The following GOLIM4 variants were observed in gnomAD, a reference collection of about 807,000 sequenced individuals.
GOLIM4 encodes the protein 130 kDa golgi-localized phosphoprotein.
Under a neutral mutation model 107.4 loss-of-function variants are expected in GOLIM4, and 71 were observed. That is an observed-to-expected ratio of 0.66 (90% CI 0.55 to 0.81). The LOEUF (loss-of-function observed/expected upper bound fraction) is 0.81. Among genes scored for constraint, GOLIM4 ranks in the 30% least tolerant of loss-of-function variants. GOLIM4 has a pLI of 0.00. For synonymous variants in GOLIM4, 327 were observed against 294.8 expected, an observed-to-expected ratio of 1.11 and a Z score of -1.12; for missense variants, 830 against 826.1, an observed-to-expected ratio of 1.00 and a Z score of -0.06.
intron 9 of GOLIM4, among the ~76,000 whole-genome samples, chr3:168,031,093 G>C (rs1202747811): frequency 6.6e-6 from 1 of 152,108 alleles, no homozygotes; most frequent in Non-Finnish European, 1.5e-5. Flanking sequence ...AAAACTTCAA[G>C]CACAGAAAGA....
At chr3:168,063,058 C>G (rs2108269711) in intron 1 of GOLIM4, among the ~76,000 whole-genome samples, 1 of 152,274 alleles carries the variant, frequency 6.6e-6, no homozygotes, top group Non-Finnish European at 1.5e-5. Flanking sequence ...GCTTCCACCA[C>G]CACCTGCATG....
intron 5 of GOLIM4, 58 bp downstream of exon 5, chr3:168,043,321 G>T: frequency 1.6e-6 from 2 of 1,238,266 alleles, no homozygotes; most frequent in Middle Eastern, 2.0e-4. Context: ...CAGTTGCACT[G>T]AAACATTAAT....
At position 168,032,660 on chromosome 3, in the gene GOLIM4, C is replaced by T; in HGVS notation, c.1036G>A (p.Glu346Lys). The change falls in exon 9 of 16, where the codon GAA (glutamate) becomes AAA (lysine). Residue 346 changes from glutamate (E) to lysine (K), a missense_variant. Transcript: ENST00000470487. ...EEEHRKALEE[E>K]EMEQVGQAEH... ...GCTTGCCCGACCTGCTCCATTTCTT[C>T]CTCCTCCAGGGCCTTTCTGTGCTCC... is the stretch of plus-strand genomic sequence containing the variant. The T allele has an allele frequency of 6.2e-7, 1 of 1,614,038 alleles. No homozygotes were observed.
chr3:168,045,139 G>GATTA (rs1241962253), intron 3 of GOLIM4, among the ~76,000 whole-genome samples: 1 of 152,182 alleles, frequency 6.6e-6, no homozygotes, highest in Non-Finnish European at 1.5e-5. Context: ...AGAGCCCTTA[G>GATTA]AGATGATTTC....
intron 1 of GOLIM4, among the ~76,000 whole-genome samples, chr3:168,062,455 C>T (rs879000111): frequency 1.8e-4 from 27 of 151,002 alleles, no homozygotes; most frequent in Non-Finnish European, 3.2e-4. Context: ...GCATTTACAA[C>T]TGTGAGGACA....
chr3:168,024,957 C>T lies in GOLIM4; in HGVS notation c.1762G>A (p.Glu588Lys). 1 of 1,614,058 alleles carries T rather than the reference C, an allele frequency of 6.2e-7. No individual in the cohort carries two copies. The highest frequency in any genetic ancestry group is 2.2e-5 in the East Asian group (1 of 44,878). ...EEQKQSNQKQ[E>K]NTEVEEHLVM... is the part of the protein sequence containing the mutation. Reference sequence around the variant, plus strand: ...AAATGTTCCTCCACTTCTGTATTCTCTTGCTTTTGATTACTTTGTTTTTGC... The same window carrying T: ...AAATGTTCCTCCACTTCTGTATTCTTTTGCTTTTGATTACTTTGTTTTTGC... The change falls in exon 13 of 16, where the codon GAG (glutamate) becomes AAG (lysine). Residue 588 changes from glutamate to lysine, a missense_variant. By Grantham distance (56) the Glu-to-Lys change is moderately conservative. Coordinates refer to ENST00000470487, the MANE Select transcript of GOLIM4 (RefSeq NM_014498.5).
In GOLIM4 at chr3:168,094,141, G is replaced by A. The variant is rs566176872; in HGVS notation, c.187+958C>T. ...TGCAAAAAAAATATGTATAGGATAC[G>A]TCCTTAACAAGAGGACATGGTGCTG... On this transcript the variant is annotated intron_variant, in intron 1 of 15. Transcript: ENST00000470487. 3.9e-5 allele frequency among the ~76,000 whole-genome samples: 6 copies of A among 152,264 alleles called. No homozygotes were observed. The South Asian group carries it at 1.2e-3, about 32-fold the overall frequency.
At chr3:168,091,391 T>TC (rs956249960) in intron 1 of GOLIM4, among the ~76,000 whole-genome samples, 1 of 152,190 alleles carries the variant, frequency 6.6e-6, no homozygotes, top group Non-Finnish European at 1.5e-5. Flanking sequence ...AGCACATAAT[T>TC]ATTACCTTAG....
Position 168,016,195 on chromosome 3 carries a change from GA to G in GOLIM4, c.1861-5373del, listed in dbSNP as rs1250946359. Among the ~76,000 whole-genome samples the G allele has an allele frequency of 3.2e-5, 4 of 125,326 alleles. No individual in the cohort carries two copies. The East Asian group carries it at 8.4e-4, about 26-fold the overall frequency. The allele number at this position is 125,326 out of a possible 152,430, so 82.2% of individuals were successfully genotyped here. A position where few individuals can be genotyped will look rare whatever the true frequency, so the allele number is the denominator to read the frequency against. On this transcript the variant is annotated intron_variant, in intron 14 of 15. Transcript: ENST00000470487. ...ACAATGAACTCAAACAAATTTACAA[GA>G]AAAAAACAAACAACCCCATCAAAAA...
At chr3:168,041,355 C>T (rs780915167) in intron 6 of GOLIM4, 37 bp downstream of exon 6, 2 of 1,172,176 alleles carry the variant, frequency 1.7e-6, no homozygotes, top group African/African-American at 1.5e-5. Context: ...ATAAAGCAGG[C>T]AAACACTAAA....
At chr3:168,078,352 T>C (rs1338863565) in intron 1 of GOLIM4, among the ~76,000 whole-genome samples, 11 of 152,190 alleles carry the variant, frequency 7.2e-5, no homozygotes, top group African/African-American at 1.4e-4. Flanking sequence ...TACATTTTTA[T>C]ACATCAAAGA....
chr3:168,040,668 T>C (rs1041043272), intron 7 of GOLIM4, 118 bp downstream of exon 7: 7 of 606,998 alleles, frequency 1.2e-5, no homozygotes, highest in Non-Finnish European at 2.1e-5. Context: ...AGGATTAGGA[T>C]AGCTCTGTCC....
rs542564578 is a variant in GOLIM4, at chr3:168,063,559, T to C, written c.188-15194A>G. Among the ~76,000 whole-genome samples the C allele has an allele frequency of 7.9e-5, 12 of 152,194 alleles. No homozygotes were observed. In the East Asian group the frequency reaches 2.1e-3, roughly 27 times the overall value. On this transcript the variant is annotated intron_variant, in intron 1 of 15. Coordinates refer to ENST00000470487, the MANE Select transcript of GOLIM4 (RefSeq NM_014498.5). ...ATAGGGTATCTTCCCCACTGAGATATTGGGCATTGCCTGATTTGGGGGAAG... is the reference window on the plus strand; with the variant it reads ...ATAGGGTATCTTCCCCACTGAGATACTGGGCATTGCCTGATTTGGGGGAAG...
Position 168,029,428 on chromosome 3 carries a change from A to C in GOLIM4, c.1434-126T>G, listed in dbSNP as rs547339207. The C allele has an allele frequency of 4.3e-4, 265 of 611,882 alleles. 1 individual carries two copies. The Middle Eastern group carries it at 9.4e-3, about 22-fold the overall frequency. 37.9% of individuals were successfully genotyped at this position (611,882 alleles called of 1,614,324 possible). A position where few individuals can be genotyped will look rare whatever the true frequency, so the allele number is the denominator to read the frequency against. The stretch of plus-strand genomic sequence containing the variant: ...TCAACATTTTTAAGAAGCCATGAAA[A>C]ATTTTTAAAAACCTCTTATGTATGC... On this transcript the variant is annotated intron_variant, in intron 10 of 15. Transcript: ENST00000470487.
At chr3:168,039,948 T>C (rs1174305623) in intron 7 of GOLIM4, among the ~76,000 whole-genome samples, 1 of 152,206 alleles carries the variant, frequency 6.6e-6, no homozygotes, top group African/African-American at 2.4e-5. Flanking sequence ...GCCTCTGAGA[T>C]GGGTCAGGGA....
intron 1 of GOLIM4, among the ~76,000 whole-genome samples, chr3:168,084,846 A>C (rs1721544442): frequency 6.6e-6 from 1 of 152,192 alleles, no homozygotes; most frequent in African/African-American, 2.4e-5. Context: ...CTTAAATGAA[A>C]GTGAGAAAAT....
chr3:168,089,218 AG>A (rs1443041336), intron 1 of GOLIM4, among the ~76,000 whole-genome samples: 3 of 152,254 alleles, frequency 2.0e-5, no homozygotes, highest in African/African-American at 4.8e-5. Flanking sequence ...TACAGGATCA[AG>A]CAAAAATGAT....
chr3:168,032,932 G>A (rs2108231782), intron 8 of GOLIM4, 80 bp from the exon 9 acceptor site: 1 of 1,021,696 alleles, frequency 9.8e-7, no homozygotes, highest in Non-Finnish European at 1.5e-6. Context: ...CCATGTCTAT[G>A]GGGCATGGGG....
intron 14 of GOLIM4, among the ~76,000 whole-genome samples, chr3:168,019,515 A>G (rs1487170384): frequency 6.6e-6 from 1 of 152,164 alleles, no homozygotes; most frequent in East Asian, 1.9e-4. Flanking sequence ...CAGTTGGTAT[A>G]TTCTAATCAT....
Sources: allele counts gnomAD v4.1 joint callset (sites outside exome capture counted in the v4.1 genomes callset), GRCh38; gene constraint gnomAD v4.1.1; transcripts MANE v1.5; gene names NCBI Gene and HGNC (gene_info 2026-07-23, HGNC 2026-07-21).